Variants in TK1 observed in about 807,000 individuals in gnomAD.
TK1 encodes the protein thymidine kinase, cytosolic.
TK1 carries 13 observed loss-of-function variants against 22.4 expected under a neutral mutation model. The observed-to-expected ratio is 0.58, with a 90% CI of 0.38 to 0.92. TK1 has a LOEUF of 0.92. Ranked by LOEUF, TK1 falls within the 40% of genes least tolerant of loss-of-function variation. The probability of loss-of-function intolerance (pLI) is 0.00; values close to 1 mark genes in which losing one functional copy is unlikely to be tolerated. For missense variants in TK1, 251 were observed against 315.7 expected (o/e 0.80, Z 1.55); for synonymous variants, 134 against 125.4 (o/e 1.07, Z -0.46).
rs1229161131 is a variant in TK1 at position 78,185,044 on chromosome 17, C to T, written c.209+11G>A. 1 of 1,610,524 alleles carries T rather than the reference C, an allele frequency of 6.2e-7. No individual in the cohort carries two copies. The highest frequency in any genetic ancestry group is 8.5e-7 in the Non-Finnish European group (1 of 1,177,430). Reference sequence around the variant, plus strand: ...TTCCACTGGACAGGACTGCAGGGGGCAGGGACTGACCGGTCATGTGTGCAG... The same window carrying T: ...TTCCACTGGACAGGACTGCAGGGGGTAGGGACTGACCGGTCATGTGTGCAG... On this transcript the variant is annotated intron_variant, in intron 3 of 6. Transcript: ENST00000301634.
At chr17:78,179,149 G>C (rs1415503719) in intron 4 of TK1, 2 of 985,022 alleles carry the variant, frequency 2.0e-6, no homozygotes, top group Non-Finnish European at 2.4e-6. Context: ...CAGGAGAACA[G>C]AGCTATTGAA....
At position 78,174,751 on chromosome 17, in the gene TK1, C is replaced by T. The variant is rs1598963363; in HGVS notation, c.*8G>A. On this transcript the variant is annotated 3_prime_UTR_variant, in exon 7 of 7. Coordinates refer to ENST00000301634, the MANE Select transcript of TK1 (RefSeq NM_003258.5). Reference sequence around the variant, plus strand: ...GCAGGAAGGGAGCGGGCGGCCCTCGCAGGTCCCTCAGTTGGCAGGGCTGCA... The same window carrying T: ...GCAGGAAGGGAGCGGGCGGCCCTCGTAGGTCCCTCAGTTGGCAGGGCTGCA... The T allele has an allele frequency of 1.9e-6, 3 of 1,589,366 alleles. No homozygotes were observed. Among genetic ancestry groups the T allele is most frequent in the East Asian group, 2.3e-5 (1 of 43,736 alleles).
intron 3 of TK1, among the ~76,000 whole-genome samples, chr17:78,183,316 T>G (rs1322366848): frequency 3.3e-5 from 5 of 152,194 alleles, no homozygotes; most frequent in Non-Finnish European, 1.5e-5. Flanking sequence ...AATGTTTCCT[T>G]TTAAAATTCA....
In TK1 at chr17:78,175,580, G is replaced by T. The variant is rs561570584; in HGVS notation, c.342C>A (p.Asn114Lys). 1.9e-6 allele frequency: 3 copies of T among 1,613,584 alleles called. No homozygotes were observed. Among genetic ancestry groups the T allele is most frequent in the African/African-American group, 1.3e-5 (1 of 74,912 alleles). The change falls in exon 5 of 7, where the codon AAC becomes AAA. Residue 114 changes from asparagine to lysine, a missense_variant. Physicochemically the swap from Asn to Lys is moderately conservative, Grantham distance 94. Transcript: ENST00000301634. Reference sequence around the variant, plus strand: ...CAGCCACAATTACGGTCTTCCCGGCGTTGGCCATGGCCTCGCAGAACTCCA... The same window carrying T: ...CAGCCACAATTACGGTCTTCCCGGCTTTGGCCATGGCCTCGCAGAACTCCA... ...DIVEFCEAMA[N>K]AGKTVIVAAL...
In TK1 at chr17:78,174,864, C is replaced by T. The variant is rs756116404; in HGVS notation, c.600G>A (p.Pro200=). ...GCACTGGGCAGTTCTCTTTGTTGTC[C>T]GGCCCGGCAGGCTGGCCTGAGGCCT... The part of the protein sequence containing the change: ...FKKASGQPAG[P]DNKENCPVPG... The change falls in exon 7 of 7, where the codon CCG becomes CCA. Residue 200 remains proline (P), a synonymous_variant. Coordinates refer to ENST00000301634, the MANE Select transcript of TK1 (RefSeq NM_003258.5). 5.0e-5 allele frequency: 80 copies of T among 1,613,660 alleles called. No individual in the cohort carries two copies. Among genetic ancestry groups the T allele is most frequent in the African/African-American group, 1.2e-4 (9 of 74,940 alleles).
intron 3 of TK1, among the ~76,000 whole-genome samples, chr17:78,184,728 A>G (rs1425874510): frequency 6.6e-6 from 1 of 152,104 alleles, no homozygotes. Flanking sequence ...CGTCCTCTGC[A>G]CCATAGGACC....
intron 4 of TK1, among the ~76,000 whole-genome samples, chr17:78,178,265 G>A (rs1232823811): frequency 6.6e-6 from 1 of 152,214 alleles, no homozygotes; most frequent in Admixed American, 6.5e-5. Flanking sequence ...ATGCAAGGGT[G>A]CCCACCCACC....
At chr17:78,179,821 G>A in intron 4 of TK1, 2 of 919,966 alleles carry the variant, frequency 2.2e-6, no homozygotes, top group Non-Finnish European at 2.6e-6. Context: ...TGTAATCCCA[G>A]CACTTTGGGA....
At chr17:78,184,605 G>A (rs954097147) in intron 3 of TK1, among the ~76,000 whole-genome samples, 4 of 152,174 alleles carry the variant, frequency 2.6e-5, no homozygotes, top group Non-Finnish European at 2.9e-5. Flanking sequence ...AAATCAACGT[G>A]CAGGCCAAAC....
intron 4 of TK1, among the ~76,000 whole-genome samples, chr17:78,178,601 G>T (rs775551670): frequency 6.6e-6 from 1 of 152,148 alleles, no homozygotes; most frequent in African/African-American, 2.4e-5. Flanking sequence ...CCCTCTCCTC[G>T]ATCTAGAACT....
chr17:78,174,836 C>T lies in TK1; in HGVS notation c.628G>A (p.Gly210Arg), dbSNP rs1276755435. ...GCAGCCACGGCTTCCCCTGGCTTTC[C>T]TGGCACTGGGCAGTTCTCTTTGTTG... ...PDNKENCPVP[G>R]KPGEAVAARK... The change falls in exon 7 of 7, where the codon GGA (glycine) becomes AGA (arginine). Residue 210 changes from glycine to arginine, a missense_variant. Gly to Arg is a moderately radical substitution (Grantham distance 125, BLOSUM62 -2). Coordinates refer to ENST00000301634, the MANE Select transcript of TK1 (RefSeq NM_003258.5). 1 of 1,613,502 alleles carries T rather than the reference C, an allele frequency of 6.2e-7. No individual in the cohort carries two copies. The highest frequency in any genetic ancestry group is 8.5e-7 in the Non-Finnish European group (1 of 1,179,698).
Position 78,175,631 on chromosome 17 carries a change from C to A in TK1, c.304-13G>T, listed in dbSNP as rs147462925. ...CGATGTCAGGGAACTGGAAAGGGCACGTGGAGAAAGAGTGTGAGAGCTTCC... is the reference window on the plus strand; with the variant it reads ...CGATGTCAGGGAACTGGAAAGGGCAAGTGGAGAAAGAGTGTGAGAGCTTCC... On this transcript the variant is annotated splice_polypyrimidine_tract_variant and intron_variant, in intron 4 of 6. Transcript: ENST00000301634. 11 of 1,611,214 alleles carry A rather than the reference C, an allele frequency of 6.8e-6. No homozygotes were observed. The South Asian group carries it at 8.8e-5, about 13-fold the overall frequency.
intron 4 of TK1, among the ~76,000 whole-genome samples, chr17:78,176,312 A>G (rs2075699437): frequency 1.3e-5 from 2 of 152,072 alleles, no homozygotes; most frequent in Non-Finnish European, 2.9e-5. Context: ...TCATCAATCA[A>G]TCATATCACT....
intron 4 of TK1, among the ~76,000 whole-genome samples, chr17:78,182,121 C>T (rs2075742006): frequency 6.6e-6 from 1 of 151,976 alleles, no homozygotes; most frequent in Admixed American, 6.6e-5. Flanking sequence ...TGCCTGTAAT[C>T]CCAGCGCTTT....
At chr17:78,181,444 G>A (rs887461089) in intron 4 of TK1, among the ~76,000 whole-genome samples, 2 of 151,568 alleles carry the variant, frequency 1.3e-5, no homozygotes, top group African/African-American at 4.8e-5. Context: ...GAGGCGAGGT[G>A]GGAAAATCGC....
Position 78,175,052 on chromosome 17 carries a change from C to A in TK1, c.511G>T (p.Glu171Ter). The stretch of plus-strand genomic sequence containing the variant: ...GCAGGGAAGGCAGGTGGAGCTACCT[C>A]CTTCTCTGTGCCGAGCCTCTTGGTA... ...AYTKRLGTEK[E>*]VEVIGGADKY... The change falls in exon 6 of 7, where the codon GAG becomes TAG. Residue 171 changes from glutamate (E) to a stop codon, truncating the protein, a stop_gained and splice_region_variant. Transcript: ENST00000301634. LOFTEE classifies it low-confidence loss of function (END_TRUNC). 6.2e-7 allele frequency: 1 copy of A among 1,613,424 alleles called. No homozygotes were observed. The highest frequency in any genetic ancestry group is 8.5e-7 in the Non-Finnish European group (1 of 1,179,700).
Position 78,185,051 on chromosome 17 carries a change from T to A in TK1, c.209+4A>T. Reference sequence around the variant, plus strand: ...GGACAGGACTGCAGGGGGCAGGGACTGACCGGTCATGTGTGCAGAAGCTGC... The same window carrying A: ...GGACAGGACTGCAGGGGGCAGGGACAGACCGGTCATGTGTGCAGAAGCTGC... On this transcript the variant is annotated splice_donor_region_variant and intron_variant, in intron 3 of 6. Coordinates refer to ENST00000301634, the MANE Select transcript of TK1 (RefSeq NM_003258.5). 4.3e-6 allele frequency: 7 copies of A among 1,612,706 alleles called. No individual in the cohort carries two copies. The highest frequency in any genetic ancestry group is 5.9e-6 in the Non-Finnish European group (7 of 1,179,370).
intron 2 of TK1, among the ~76,000 whole-genome samples, chr17:78,186,131 G>GGGGT (rs201793864): frequency 0.025 from 3,860 of 152,142 alleles, 85 homozygotes; most frequent in Middle Eastern, 0.075. Flanking sequence ...GTGGAGGCGG[G>GGGGT]GGGGTGCACG....
chr17:78,177,172 C>T (rs1004035941), intron 4 of TK1, among the ~76,000 whole-genome samples: 1 of 152,158 alleles, frequency 6.6e-6, no homozygotes, highest in African/African-American at 2.4e-5. Flanking sequence ...GGATCACAGA[C>T]GTGAGCCTCT....
Sources: allele counts gnomAD v4.1 joint callset (sites outside exome capture counted in the v4.1 genomes callset), GRCh38; gene constraint gnomAD v4.1.1; transcripts MANE v1.5; gene names NCBI Gene and HGNC (gene_info 2026-07-23, HGNC 2026-07-21).